MAST4: variants seen among roughly 807,000 people sequenced by gnomAD.
MAST4 encodes the protein microtubule associated serine/threonine kinase family member 4.
A neutral mutation model predicts 162.7 loss-of-function variants in MAST4; 89 were observed. That is an observed-to-expected ratio of 0.55 (90% confidence interval 0.46 to 0.65). The LOEUF is 0.65. Ranked by LOEUF, MAST4 falls within the 30% of genes least tolerant of loss-of-function variation. The pLI is 0.00. For synonymous variants in MAST4, 1,479 were observed against 1,361.1 expected, an observed-to-expected ratio of 1.09 and a Z score of -1.91; for missense variants, 3,153 against 3,374.0, an observed-to-expected ratio of 0.93 and a Z score of 1.62.
intron 1 of MAST4, among the ~76,000 whole-genome samples, chr5:66,718,907 G>A (rs1324156555): frequency 2.7e-4 from 41 of 152,316 alleles, no homozygotes; most frequent in Non-Finnish European, 7.3e-5. Flanking sequence ...GTCATTCTTA[G>A]TAATAGCTTT....
intron 3 of MAST4, among the ~76,000 whole-genome samples, chr5:66,876,163 C>T (rs1429806615): frequency 6.6e-6 from 1 of 152,174 alleles, no homozygotes; most frequent in Non-Finnish European, 1.5e-5. Flanking sequence ...TTCTTACCCC[C>T]AGAGTGTCGT....
At chr5:66,938,638 C>G (rs894512977) in intron 4 of MAST4, among the ~76,000 whole-genome samples, 5 of 152,202 alleles carry the variant, frequency 3.3e-5, no homozygotes, top group African/African-American at 1.2e-4. Flanking sequence ...CCAGCCTTTA[C>G]TCAGCTCAGC....
At chr5:66,894,911 G>A (rs1762584114) in intron 3 of MAST4, among the ~76,000 whole-genome samples, 1 of 152,114 alleles carries the variant, frequency 6.6e-6, no homozygotes, top group Non-Finnish European at 1.5e-5. Flanking sequence ...CTGGGGCAGA[G>A]ACCCAGGTGT....
chr5:66,755,057 C>G (rs894103994), intron 1 of MAST4, among the ~76,000 whole-genome samples: 2 of 152,096 alleles, frequency 1.3e-5, no homozygotes, highest in African/African-American at 4.8e-5. Context: ...GAGCATCTGG[C>G]TTCATTTTAG....
chr5:66,726,962 C>T (rs529872228), intron 1 of MAST4, among the ~76,000 whole-genome samples: 1 of 152,026 alleles, frequency 6.6e-6, no homozygotes, highest in African/African-American at 2.4e-5. Context: ...TTTAAGGGGA[C>T]CCATACAATA....
At chr5:66,650,278 G>A (rs893454353) in intron 1 of MAST4, among the ~76,000 whole-genome samples, 2 of 151,962 alleles carry the variant, frequency 1.3e-5, no homozygotes, top group East Asian at 3.9e-4. Context: ...TCCTTCTCGG[G>A]TGCCCCAGGA....
intron 4 of MAST4, among the ~76,000 whole-genome samples, chr5:67,044,468 A>C (rs1757132555): frequency 6.6e-6 from 1 of 152,152 alleles, no homozygotes; most frequent in African/African-American, 2.4e-5. Context: ...TAACATTTAA[A>C]AAACTTGGAT....
At chr5:67,100,252 G>A (rs551619823) in intron 7 of MAST4, among the ~76,000 whole-genome samples, 183 bp from the exon 8 acceptor site, 3 of 152,270 alleles carry the variant, frequency 2.0e-5, no homozygotes, top group African/African-American at 7.2e-5. Flanking sequence ...AATATGGAAA[G>A]CATTTTGAAC....
chr5:66,774,611 G>A (rs1370374104), intron 2 of MAST4, among the ~76,000 whole-genome samples: 3 of 151,840 alleles, frequency 2.0e-5, no homozygotes, highest in Non-Finnish European at 4.4e-5. Context: ...TATTATTTGT[G>A]TACCTATCAT....
chr5:66,808,022 G>A (rs1306517884), intron 3 of MAST4, among the ~76,000 whole-genome samples: 1 of 152,170 alleles, frequency 6.6e-6, no homozygotes, highest in Middle Eastern at 3.2e-3. Context: ...GTTTTTCCTT[G>A]CCCTTTCTTC....
At chr5:66,841,816 G>A (rs1020806768) in intron 3 of MAST4, among the ~76,000 whole-genome samples, 2 of 152,008 alleles carry the variant, frequency 1.3e-5, no homozygotes, top group African/African-American at 2.4e-5. Flanking sequence ...AATAAAAATA[G>A]CTTTATTATG....
intron 2 of MAST4, among the ~76,000 whole-genome samples, chr5:66,763,105 C>T (rs1295664696): frequency 6.6e-6 from 1 of 152,138 alleles, no homozygotes; most frequent in East Asian, 1.9e-4. Context: ...GAGTAACTTC[C>T]TTGAGGTCAC....
At chr5:67,089,045 C>CA (rs1444692247) in intron 5 of MAST4, among the ~76,000 whole-genome samples, 2 of 152,234 alleles carry the variant, frequency 1.3e-5, no homozygotes, top group African/African-American at 2.4e-5. Context: ...GTCTTCCTTA[C>CA]ACCCAATTAC....
chr5:66,725,296 TAAAG>T (rs1267491726), intron 1 of MAST4, among the ~76,000 whole-genome samples: 4 of 152,172 alleles, frequency 2.6e-5, no homozygotes, highest in South Asian at 4.1e-4. Flanking sequence ...GATTTAAACT[TAAAG>T]AACACATGCA....
intron 4 of MAST4, among the ~76,000 whole-genome samples, chr5:67,002,571 C>A (rs2150319674): frequency 6.6e-6 from 1 of 152,276 alleles, no homozygotes; most frequent in South Asian, 2.1e-4. Context: ...GTGGGGTGTC[C>A]TCTGCTCCAG....
chr5:66,670,754 AT>A (rs11383652), intron 1 of MAST4, among the ~76,000 whole-genome samples: 44,960 of 145,956 alleles, frequency 0.31, 6,839 homozygotes, highest in African/African-American at 0.37. Flanking sequence ...AGTAAGCATG[AT>A]TTTTTTTTTT....
chr5:66,631,479 G>A (rs887267604), intron 1 of MAST4, among the ~76,000 whole-genome samples: 5 of 152,092 alleles, frequency 3.3e-5, no homozygotes, highest in Admixed American at 6.6e-5. Context: ...ATATACACAC[G>A]AAGGAAAGGA....
intron 4 of MAST4, among the ~76,000 whole-genome samples, chr5:67,015,500 A>G (rs999417863): frequency 6.6e-6 from 1 of 152,172 alleles, no homozygotes; most frequent in Non-Finnish European, 1.5e-5. Context: ...TCTTAAGTAT[A>G]TGTTAAGGCT....
chr5:67,066,068 A>G (rs1760190967), intron 5 of MAST4, among the ~76,000 whole-genome samples: 1 of 152,224 alleles, frequency 6.6e-6, no homozygotes, highest in Non-Finnish European at 1.5e-5. Context: ...TTAGAAGTGT[A>G]TAAATACAAA....
Sources: gnomAD v4.1 joint callset for allele counts (sites outside exome capture counted in the v4.1 genomes callset) on GRCh38, gnomAD v4.1.1 for gene constraint, MANE v1.5 for transcripts, NCBI Gene and HGNC (gene_info 2026-07-23, HGNC 2026-07-21) for gene names.